SAMHD1: variants seen among roughly 807,000 people sequenced by gnomAD.
SAMHD1 encodes the protein SAM and HD domain containing deoxynucleoside triphosphate triphosphohydrolase 1, also known as deoxynucleoside triphosphate triphosphohydrolase SAMHD1.
A neutral mutation model predicts 79.6 loss-of-function variants in SAMHD1; 54 were observed. The ratio of observed to expected loss-of-function variants is 0.68; its 90% CI spans 0.55 to 0.85. The LOEUF (loss-of-function observed/expected upper bound fraction) is 0.85. Ranked by LOEUF, SAMHD1 falls within the 40% of genes least tolerant of loss-of-function variation. The pLI is 0.00. For synonymous variants in SAMHD1, 260 were observed against 264.1 expected, an observed-to-expected ratio of 0.98 and a Z score of 0.15; for missense variants, 663 against 782.7, an observed-to-expected ratio of 0.85 and a Z score of 1.82.
intron 15 of SAMHD1, among the ~76,000 whole-genome samples, chr20:36,894,895 C>A (rs1990170408): frequency 6.6e-6 from 1 of 151,886 alleles, no homozygotes; most frequent in Non-Finnish European, 1.5e-5. Flanking sequence ...TTTTTTGAGA[C>A]AGCATCTTGC....
At chr20:36,927,592 C>G (rs1248124747) in intron 5 of SAMHD1, among the ~76,000 whole-genome samples, 1 of 152,160 alleles carries the variant, frequency 6.6e-6, no homozygotes, top group Non-Finnish European at 1.5e-5. Context: ...GCTGGGATTA[C>G]AGGCGTGAGC....
chr20:36,904,902 A>G (rs1286737966), intron 12 of SAMHD1: 1 of 188,538 alleles, frequency 5.3e-6, no homozygotes, highest in African/African-American at 2.4e-5. Context: ...GGAGGTGAAA[A>G]TAGATATTTG....
intron 7 of SAMHD1, among the ~76,000 whole-genome samples, chr20:36,918,133 G>C (rs2063486206): frequency 6.6e-6 from 1 of 151,722 alleles, no homozygotes; most frequent in African/African-American, 2.4e-5. Context: ...GAGACTACAG[G>C]CATGAGACAG....
chr20:36,892,801 C>A lies in SAMHD1; in HGVS notation c.*131G>T. 1.7e-6 allele frequency: 2 copies of A among 1,170,084 alleles called. No homozygotes were observed. The highest frequency in any genetic ancestry group is 1.3e-6 in the Non-Finnish European group (1 of 777,474). 72.5% of individuals were successfully genotyped at this position (1,170,084 alleles called of 1,614,324 possible). A position where few individuals can be genotyped will look rare whatever the true frequency, so the allele number is the denominator to read the frequency against. ...ATTTCTTTGATTAAAAGTTACTTAG[C>A]TTCAGCATGCGTGTACATTCAAAAT... is the stretch of plus-strand genomic sequence containing the variant. On this transcript the variant is annotated 3_prime_UTR_variant, in exon 16 of 16. Transcript: ENST00000646673.
In SAMHD1 at chr20:36,935,048, G is replaced by A. The variant is rs267607027; in HGVS notation, c.490C>T (p.Arg164Ter). The change falls in exon 4 of 16, where the codon CGA becomes TGA. Residue 164 changes from arginine to a stop codon, truncating the protein, a stop_gained. Coordinates refer to ENST00000646673, the MANE Select transcript of SAMHD1 (RefSeq NM_015474.4). LOFTEE classifies it high-confidence loss of function. ...TCTTACCCTAGACTATGCTCAAATCGATTGTGTGAAGCTCCTGGAAAAACA... is the reference window on the plus strand; with the variant it reads ...TCTTACCCTAGACTATGCTCAAATCAATTGTGTGAAGCTCCTGGAAAAACA... ...YYVFPGASHNRFEHSLGVGYL... is the reference protein window; with the variant it reads ...YYVFPGASHN 5.6e-6 allele frequency: 9 copies of A among 1,613,890 alleles called. No individual in the cohort carries two copies. Among genetic ancestry groups the A allele is most frequent in the Non-Finnish European group, 6.8e-6 (8 of 1,180,006 alleles).
chr20:36,892,564 G>A lies in SAMHD1; in HGVS notation c.*368C>T, dbSNP rs1248934473. 1.0e-5 allele frequency: 3 copies of A among 292,484 alleles called. No homozygotes were observed. Among genetic ancestry groups the A allele is most frequent in the Non-Finnish European group, 2.0e-5 (3 of 152,070 alleles). The allele number at this position is 292,484 out of a possible 1,614,324, so 18.1% of individuals were successfully genotyped here. ...CCAGCTACTTGGGGGGCTGAGGCAG[G>A]AGGGTCGCTTGAGCCCAGGAAAGTT... On this transcript the variant is annotated 3_prime_UTR_variant, in exon 16 of 16. Transcript: ENST00000646673.
Position 36,919,375 on chromosome 20 carries a change from CG to C in SAMHD1, c.840del (p.Glu281LysfsTer20). 2 of 1,613,510 alleles carry C rather than the reference CG, an allele frequency of 1.2e-6. No individual in the cohort carries two copies. Among genetic ancestry groups the C allele is most frequent in the South Asian group, 2.2e-5 (2 of 91,054 alleles). On this transcript the variant is annotated frameshift_variant, in exon 7 of 16. Transcript: ENST00000646673. LOFTEE classifies it high-confidence loss of function. ...GTACATAAACTTACCAATGAATCTT[CG>C]ACAGGTGATTCAAGTGGTCCTACAA... is the stretch of plus-strand genomic sequence containing the variant. ...EQIVGPLESP[V>X]EDSLWPYKGR...
At chr20:36,902,632 T>C (rs1990326072) in intron 13 of SAMHD1, among the ~76,000 whole-genome samples, 1 of 152,206 alleles carries the variant, frequency 6.6e-6, no homozygotes, top group Non-Finnish European at 1.5e-5. Context: ...ATGTTTAGAT[T>C]TGATTCATCT....
At chr20:36,946,867 G>A in intron 1 of SAMHD1, 63 bp from the exon 2 acceptor site, 2 of 1,310,088 alleles carry the variant, frequency 1.5e-6, no homozygotes, top group South Asian at 1.2e-5. Flanking sequence ...CTTTCAATTT[G>A]GATACACCAA....
intron 12 of SAMHD1, 45 bp downstream of exon 12, chr20:36,905,319 G>A (rs753187547): frequency 1.2e-6 from 2 of 1,603,532 alleles, no homozygotes; most frequent in Non-Finnish European, 1.7e-6. Context: ...CCTCTTGGAG[G>A]ACAGAGATAA....
At chr20:36,942,004 T>C (rs2063647597) in intron 2 of SAMHD1, among the ~76,000 whole-genome samples, 1 of 152,160 alleles carries the variant, frequency 6.6e-6, no homozygotes, top group Non-Finnish European at 1.5e-5. Context: ...GTGGACTTAG[T>C]TTAAGGGGAG....
chr20:36,949,705 C>T (rs568156768), intron 1 of SAMHD1, among the ~76,000 whole-genome samples: 3 of 144,276 alleles, frequency 2.1e-5, no homozygotes, highest in African/African-American at 7.8e-5. Context: ...TGCACTGGGC[C>T]GAGATGGCGC....
intron 13 of SAMHD1, among the ~76,000 whole-genome samples, chr20:36,901,815 C>G (rs1990311709): frequency 6.6e-6 from 1 of 152,190 alleles, no homozygotes; most frequent in Non-Finnish European, 1.5e-5. Flanking sequence ...GTTAAGTGCT[C>G]AACAGCTGCA....
At chr20:36,946,206 AT>A (rs1170499460) in intron 2 of SAMHD1, among the ~76,000 whole-genome samples, 5 of 152,072 alleles carry the variant, frequency 3.3e-5, no homozygotes, top group Non-Finnish European at 1.5e-5. Flanking sequence ...AGGTCAGGAG[AT>A]TGACACCATC....
chr20:36,937,755 T>C (rs1341575212), intron 3 of SAMHD1, among the ~76,000 whole-genome samples: 3 of 152,150 alleles, frequency 2.0e-5, no homozygotes, highest in Non-Finnish European at 2.9e-5. Flanking sequence ...GTTAAATTCA[T>C]TTAAGGTATT....
At chr20:36,920,123 T>A (rs2063496326) in intron 6 of SAMHD1, among the ~76,000 whole-genome samples, 1 of 152,124 alleles carries the variant, frequency 6.6e-6, no homozygotes, top group African/African-American at 2.4e-5. Flanking sequence ...CTATATTTTT[T>A]TAAAAAAAGA....
At chr20:36,948,850 A>G (rs1477821329) in intron 1 of SAMHD1, among the ~76,000 whole-genome samples, 1 of 148,256 alleles carries the variant, frequency 6.7e-6, no homozygotes, top group East Asian at 2.0e-4. Context: ...CTGGCGACAG[A>G]GCGAGACTCT....
chr20:36,905,616 A>C, intron 11 of SAMHD1, 113 bp from the exon 12 acceptor site: 2 of 927,354 alleles, frequency 2.2e-6, no homozygotes, highest in East Asian at 5.2e-5. Context: ...ATGTAGGTAC[A>C]TTATTATTTT....
At chr20:36,918,801 C>CAAAAAAAAAAAAAAAAAAAAAAAA (rs60403097) in intron 7 of SAMHD1, among the ~76,000 whole-genome samples, 1 of 65,462 alleles carries the variant, frequency 1.5e-5, no homozygotes. Context: ...GACTCTATCT[C>CAAAAAAAAAAAAAAAAAAAAAAAA]AAAAAAAAAA....
Sources: allele counts gnomAD v4.1 joint callset (sites outside exome capture counted in the v4.1 genomes callset), GRCh38; gene constraint gnomAD v4.1.1; transcripts MANE v1.5; gene names NCBI Gene and HGNC (gene_info 2026-07-23, HGNC 2026-07-21).